PTPRT: variants seen among roughly 807,000 people sequenced by gnomAD.
PTPRT encodes receptor-type tyrosine-protein phosphatase T.
Under a neutral mutation model 176.8 loss-of-function variants are expected in PTPRT, and 56 were observed. The ratio of observed to expected loss-of-function variants is 0.32; its 90% CI spans 0.26 to 0.40. The LOEUF (loss-of-function observed/expected upper bound fraction) is 0.40, where lower values mean the gene tolerates loss of function less well. Among genes scored for constraint, PTPRT ranks in the 10% least tolerant of loss-of-function variants. PTPRT has a pLI of 1.00. For synonymous variants in PTPRT, 783 were observed against 739.0 expected (o/e 1.06, Z -0.96); for missense variants, 1,540 against 1,908.2 (o/e 0.81, Z 3.60).
intron 2 of PTPRT, among the ~76,000 whole-genome samples, chr20:42,822,490 G>C (rs1399893636): frequency 6.6e-6 from 1 of 151,980 alleles, no homozygotes; most frequent in African/African-American, 2.4e-5. Flanking sequence ...CATAGGCATG[G>C]GCAAAGACTT....
At chr20:42,191,977 T>A (rs1439995091) in intron 16 of PTPRT, among the ~76,000 whole-genome samples, 2 of 151,884 alleles carry the variant, frequency 1.3e-5, no homozygotes, top group Admixed American at 1.3e-4. Flanking sequence ...TCAACAACAA[T>A]GAGGGGTGGG....
Position 42,363,269 on chromosome 20 carries a change from A to ATT in PTPRT, c.1561-10986_1561-10985dup, listed in dbSNP as rs1175425827. Among the ~76,000 whole-genome samples, 384 of 50,674 alleles carry ATT rather than the reference A, an allele frequency of 7.6e-3. 5 individuals carry two copies. Among genetic ancestry groups the ATT allele is most frequent in the Non-Finnish European group, 0.012 (275 of 23,082 alleles). 33.2% of individuals were successfully genotyped at this position (50,674 alleles called of 152,430 possible). A position where few individuals can be genotyped will look rare whatever the true frequency, so the allele number is the denominator to read the frequency against. Reference sequence around the variant, plus strand: ...CACATTCTTGCAGCAATTTATTACAATTATATATATATATATATATATATA... The same window carrying ATT: ...CACATTCTTGCAGCAATTTATTACAATTTTATATATATATATATATATATATA... On this transcript the variant is annotated intron_variant, in intron 9 of 30. Coordinates refer to ENST00000373187, the MANE Select transcript of PTPRT (RefSeq NM_007050.6).
At chr20:43,077,845 C>T (rs1234207300) in intron 1 of PTPRT, among the ~76,000 whole-genome samples, 11 of 152,196 alleles carry the variant, frequency 7.2e-5, no homozygotes, top group Admixed American at 5.9e-4. Context: ...CAGTAGACCT[C>T]AGGACCTTTG....
intron 7 of PTPRT, among the ~76,000 whole-genome samples, chr20:42,539,560 G>C (rs2072540757): frequency 1.3e-5 from 2 of 150,840 alleles, no homozygotes; most frequent in African/African-American, 2.4e-5. Flanking sequence ...CAGATACCTG[G>C]AGAAAGCATC....
chr20:42,147,541 C>T (rs940180847), intron 17 of PTPRT, among the ~76,000 whole-genome samples: 49 of 152,220 alleles, frequency 3.2e-4, no homozygotes, highest in African/African-American at 1.1e-3. Context: ...CCTGTGACAT[C>T]CTGCAGAGAT....
intron 7 of PTPRT, among the ~76,000 whole-genome samples, chr20:42,622,245 A>ATT (rs368250330): frequency 3.4e-5 from 5 of 146,772 alleles, no homozygotes; most frequent in Admixed American, 6.8e-5. Flanking sequence ...ATGGACTTAA[A>ATT]TTTTTTTTTT....
At chr20:42,912,009 C>G (rs1978425859) in intron 1 of PTPRT, among the ~76,000 whole-genome samples, 1 of 113,906 alleles carries the variant, frequency 8.8e-6, no homozygotes, top group Non-Finnish European at 1.8e-5. Context: ...TCAAATTTTA[C>G]TACTTATAAG....
chr20:43,130,991 C>T (rs1194632328), intron 1 of PTPRT, among the ~76,000 whole-genome samples: 1 of 152,214 alleles, frequency 6.6e-6, no homozygotes. Flanking sequence ...AGGATCTCCA[C>T]CTGACGCCTA....
chr20:42,681,087 G>A (rs1334720732), intron 6 of PTPRT, among the ~76,000 whole-genome samples: 1 of 152,142 alleles, frequency 6.6e-6, no homozygotes, highest in African/African-American at 2.4e-5. Flanking sequence ...AGGTACTGGT[G>A]GTTCAAAGAG....
chr20:42,324,486 A>T (rs2057852950), intron 11 of PTPRT, among the ~76,000 whole-genome samples: 1 of 152,244 alleles, frequency 6.6e-6, no homozygotes, highest in South Asian at 2.1e-4. Flanking sequence ...AGAATTGTAC[A>T]CTTAACATAG....
At chr20:43,068,410 G>C (rs2011139808) in intron 1 of PTPRT, among the ~76,000 whole-genome samples, 2 of 151,010 alleles carry the variant, frequency 1.3e-5, no homozygotes, top group South Asian at 2.1e-4. Context: ...GGAGGCTGAG[G>C]CAGAAGAATG....
rs2011511414 is a variant in PTPRT at position 43,083,351 on chromosome 20, T to TATATATATATATATAC, written c.88+106294_88+106295insGTATATATATATATAT. ...ATATATATATATATATATATATATA[T>TATATATATATATATAC]ATATATATATATATATATACATTTT... On this transcript the variant is annotated intron_variant, in intron 1 of 30. Transcript: ENST00000373187. Among the ~76,000 whole-genome samples, 58 of 114,278 alleles carry TATATATATATATATAC rather than the reference T, an allele frequency of 5.1e-4. 1 individual carries two copies. The highest frequency in any genetic ancestry group is 1.9e-3 in the African/African-American group (54 of 29,098). 75.0% of individuals were successfully genotyped at this position (114,278 alleles called of 152,430 possible).
intron 11 of PTPRT, among the ~76,000 whole-genome samples, chr20:42,340,340 T>C (rs2058094757): frequency 6.6e-6 from 1 of 152,220 alleles, no homozygotes; most frequent in Non-Finnish European, 1.5e-5. Flanking sequence ...TATAAAATTC[T>C]TCGTAAGCCT....
chr20:42,894,575 T>C (rs78854621), intron 1 of PTPRT, among the ~76,000 whole-genome samples: 2 of 152,014 alleles, frequency 1.3e-5, no homozygotes, highest in Non-Finnish European at 2.9e-5. Flanking sequence ...TGGCAAAGCG[T>C]GGCTTTGAAC....
intron 15 of PTPRT, among the ~76,000 whole-genome samples, chr20:42,232,724 T>A (rs373311458): frequency 1.3e-5 from 2 of 150,150 alleles, no homozygotes; most frequent in South Asian, 4.3e-4. Flanking sequence ...GCCCCTTCCT[T>A]CTGCCCAGGC....
chr20:43,071,007 C>G (rs2011173593), intron 1 of PTPRT, among the ~76,000 whole-genome samples: 1 of 150,440 alleles, frequency 6.6e-6, no homozygotes, highest in Admixed American at 6.6e-5. Context: ...TCAACCAAAC[C>G]AGGGCCACTT....
intron 9 of PTPRT, among the ~76,000 whole-genome samples, chr20:42,436,776 A>T (rs1289171900): frequency 6.6e-6 from 1 of 152,328 alleles, no homozygotes; most frequent in East Asian, 1.9e-4. Context: ...AAGCAACCCC[A>T]ATGTTTATGA....
chr20:42,421,862 C>A (rs1456713596), intron 9 of PTPRT, among the ~76,000 whole-genome samples: 2 of 152,012 alleles, frequency 1.3e-5, no homozygotes, highest in African/African-American at 4.8e-5. Context: ...GACACAGAGA[C>A]CAATGGAACA....
chr20:42,181,176 G>A (rs775382957), intron 16 of PTPRT, among the ~76,000 whole-genome samples: 3 of 152,194 alleles, frequency 2.0e-5, no homozygotes, highest in Non-Finnish European at 4.4e-5. Context: ...TTCAGATTAT[G>A]CCAGATATTG....
Sources: gnomAD v4.1 joint callset for allele counts (sites outside exome capture counted in the v4.1 genomes callset) on GRCh38, gnomAD v4.1.1 for gene constraint, MANE v1.5 for transcripts, NCBI Gene and HGNC (gene_info 2026-07-23, HGNC 2026-07-21) for gene names.